PIAS3: variants seen among roughly 807,000 people sequenced by gnomAD.
PIAS3 encodes E3 SUMO-protein ligase PIAS3.
Under a neutral mutation model 67.6 loss-of-function variants are expected in PIAS3, and 34 were observed. The observed-to-expected ratio is 0.50, with a 90% CI of 0.38 to 0.67. The LOEUF is 0.67. Ranked by LOEUF, PIAS3 falls within the 30% of genes least tolerant of loss-of-function variation. The pLI, the probability that PIAS3 is intolerant of heterozygous loss-of-function variation, is 0.00. For missense variants in PIAS3, 693 were observed against 791.6 expected, an observed-to-expected ratio of 0.88 and a Z score of 1.49; for synonymous variants, 341 against 313.8, an observed-to-expected ratio of 1.09 and a Z score of -0.92.
intron 1 of PIAS3, among the ~76,000 whole-genome samples, chr1:145,857,589 G>A (rs1241264738): frequency 6.6e-6 from 1 of 152,186 alleles, no homozygotes; most frequent in African/African-American, 2.4e-5. Context: ...AAGCTTCTGT[G>A]GCCAGGGTTT....
intron 10 of PIAS3, 21 bp from the exon 11 acceptor site, chr1:145,850,960 A>G: frequency 6.2e-7 from 1 of 1,614,058 alleles, no homozygotes; most frequent in Non-Finnish European, 8.5e-7. Context: ...TAAGAAGACT[A>G]CGTCTCAGAG....
chr1:145,856,335 G>A lies in PIAS3; in HGVS notation c.527+12C>T. The A allele has an allele frequency of 3.7e-6, 6 of 1,607,396 alleles. No homozygotes were observed. The highest frequency in any genetic ancestry group is 4.3e-6 in the Non-Finnish European group (5 of 1,173,804). On this transcript the variant is annotated intron_variant, in intron 3 of 13. Transcript: ENST00000393045. ...GACCAGGGATGAGGCAGGAAGACTG[G>A]AAGAGATGTACCTGGATGTAAGAAT...
chr1:145,855,777 TG>T lies in PIAS3; in HGVS notation c.627del (p.Asn210ThrfsTer68). 2 of 1,609,850 alleles carry T rather than the reference TG, an allele frequency of 1.2e-6. No individual in the cohort carries two copies. Among genetic ancestry groups the T allele is most frequent in the Non-Finnish European group, 1.7e-6 (2 of 1,176,586 alleles). ...TTCCCATTGACCTTGACAAAGAGGTTGGGGGGAAAATAATCTTCCTGGGGGC... is the reference window on the plus strand; with the variant it reads ...TTCCCATTGACCTTGACAAAGAGGTTGGGGGAAAATAATCTTCCTGGGGGC... ...TSCPQEDYFP[P>X]NLFVKVNGKL... On this transcript the variant is annotated frameshift_variant, in exon 5 of 14. Transcript: ENST00000393045. LOFTEE classifies it high-confidence loss of function.
chr1:145,856,480 C>T (rs782014937), intron 2 of PIAS3, 49 bp from the exon 3 acceptor site: 11 of 1,601,468 alleles, frequency 6.9e-6, no homozygotes, highest in Admixed American at 1.7e-5. Context: ...CAGGCAGCCA[C>T]AGAAATCGCC....
intron 7 of PIAS3, 68 bp from the exon 8 acceptor site, chr1:145,853,954 C>G: frequency 7.1e-7 from 1 of 1,403,512 alleles, no homozygotes; most frequent in Non-Finnish European, 1.0e-6. Context: ...GTTGGTAAGG[C>G]CAGGAACAGA....
chr1:145,856,751 C>T lies in PIAS3; in HGVS notation c.280G>A (p.Ala94Thr), dbSNP rs368264207. The change falls in exon 2 of 14, where the codon GCT becomes ACT. Residue 94 changes from alanine (A) to threonine (T), a missense_variant. By Grantham distance (58) the Ala-to-Thr change is moderately conservative (BLOSUM62 0). Around this residue, in one of 3 missense-constraint regions of PIAS3, gnomAD observed 308 missense variants for 348.8 expected, o/e 0.88. Coordinates refer to ENST00000393045, the MANE Select transcript of PIAS3 (RefSeq NM_006099.3). ...GCCAACAGCGTTGGGGGAATGGGAG[C>T]TAGAGGACCAGGGGAGCCTACAGGA... ...TSPVGSPGPL[A>T]PIPPTLLAPG... is the part of the protein sequence containing the mutation. 6.2e-7 allele frequency: 1 copy of T among 1,614,024 alleles called. No individual in the cohort carries two copies.
chr1:145,849,853 CCT>C (rs1232066981), intron 13 of PIAS3, 141 bp from the exon 14 acceptor site: 5 of 1,474,360 alleles, frequency 3.4e-6, no homozygotes, highest in Admixed American at 2.5e-5. Context: ...AGAGCCTCTC[CCT>C]CTTTCCCCTA....
chr1:145,857,860 G>A (rs1553735937), intron 1 of PIAS3, among the ~76,000 whole-genome samples: 1 of 152,160 alleles, frequency 6.6e-6, no homozygotes, highest in East Asian at 1.9e-4. Context: ...TATAGGGGTG[G>A]AAGAGGAGAG....
intron 1 of PIAS3, 120 bp from the exon 2 acceptor site, chr1:145,857,126 T>C: frequency 1.2e-6 from 1 of 849,722 alleles, no homozygotes. Context: ...GGAAAGATGA[T>C]GCTTCGCAGC....
intron 9 of PIAS3, among the ~76,000 whole-genome samples, chr1:145,852,378 A>G (rs1652997418): frequency 6.6e-6 from 1 of 152,162 alleles, no homozygotes; most frequent in Non-Finnish European, 1.5e-5. Flanking sequence ...CCTGAAAAGA[A>G]CCTTATTGCA....
Position 145,856,869 on chromosome 1 carries a change from C to T in PIAS3, c.162G>A (p.Gln54=). Residue 54 remains glutamine, a synonymous_variant, in exon 2 of 14, where the codon CAG becomes CAA. Transcript: ENST00000393045. ...GTCGGTAAAGCTCTTTGATCTTCAT[C>T]TGGACACTAGGGGCACAGCTGGACT... ...LLKSSCAPSV[Q]MKIKELYRRR... is the part of the protein sequence containing the mutation. 6.2e-7 allele frequency: 1 copy of T among 1,614,146 alleles called. No homozygotes were observed.
intron 3 of PIAS3, 52 bp from the exon 4 acceptor site, chr1:145,856,170 A>G: frequency 6.7e-7 from 1 of 1,500,920 alleles, no homozygotes; most frequent in South Asian, 1.1e-5. Context: ...CCCAGAGGGC[A>G]AGGGTGAATG....
chr1:145,852,234 G>A (rs1237532575), intron 9 of PIAS3, among the ~76,000 whole-genome samples: 7 of 152,058 alleles, frequency 4.6e-5, no homozygotes, highest in Admixed American at 4.6e-4. Context: ...CTCCAGTCTG[G>A]GCAACAGAAC....
chr1:145,856,254 T>C, intron 3 of PIAS3, 93 bp downstream of exon 3: 2 of 1,236,832 alleles, frequency 1.6e-6, no homozygotes, highest in Non-Finnish European at 2.4e-6. Context: ...CAAGTAGGTA[T>C]AGGAGGAGGG....
At chr1:145,855,490 A>C (rs1653131770) in intron 5 of PIAS3, among the ~76,000 whole-genome samples, 1 of 152,020 alleles carries the variant, frequency 6.6e-6, no homozygotes, top group South Asian at 2.1e-4. Flanking sequence ...TCTCAAAAAA[A>C]AAAAACAAAA....
intron 2 of PIAS3, 63 bp downstream of exon 2, chr1:145,856,526 C>T (rs1653194708): frequency 1.9e-6 from 3 of 1,597,432 alleles, no homozygotes; most frequent in South Asian, 2.2e-5. Flanking sequence ...GGACTAAAGC[C>T]TAAGAAATGT....
chr1:145,852,488 A>G (rs1653001439), intron 9 of PIAS3, among the ~76,000 whole-genome samples: 1 of 151,600 alleles, frequency 6.6e-6, no homozygotes, highest in Non-Finnish European at 1.5e-5. Context: ...GCAAGGCTCA[A>G]TCTCTCTCGG....
chr1:145,857,048 C>T, intron 1 of PIAS3, 42 bp from the exon 2 acceptor site: 1 of 1,567,638 alleles, frequency 6.4e-7, no homozygotes, highest in Non-Finnish European at 8.7e-7. Context: ...CTCCCTTGCA[C>T]AGGCCTGCCC....
Position 145,848,625 on chromosome 1 carries a change from A to T in PIAS3, c.*821T>A. Reference sequence around the variant, plus strand: ...TAGGCCTTGGCGAGCCTGAAAAAGAAGATTGGGAAGGAGGGCACAGGGTCC... The same window carrying T: ...TAGGCCTTGGCGAGCCTGAAAAAGATGATTGGGAAGGAGGGCACAGGGTCC... On this transcript the variant is annotated 3_prime_UTR_variant, in exon 14 of 14. Coordinates refer to ENST00000393045, the MANE Select transcript of PIAS3 (RefSeq NM_006099.3). 2 of 647,236 alleles carry T rather than the reference A, an allele frequency of 3.1e-6. No homozygotes were observed. The highest frequency in any genetic ancestry group is 2.7e-5 in the East Asian group (1 of 36,938). The allele number at this position is 647,236 out of a possible 1,614,324, so 40.1% of individuals were successfully genotyped here.
Sources: gnomAD v4.1 joint callset for allele counts (sites outside exome capture counted in the v4.1 genomes callset) on GRCh38, gnomAD v4.1.1 for gene constraint, gnomAD v4.1.1 regional missense constraint, MANE v1.5 for transcripts, NCBI Gene and HGNC (gene_info 2026-07-23, HGNC 2026-07-21) for gene names.